Variants in CBL observed in about 807,000 individuals in gnomAD.
CBL encodes Cbl proto-oncogene, also known as E3 ubiquitin-protein ligase CBL.
Under a neutral mutation model 96.9 loss-of-function variants are expected in CBL, and 45 were observed. That is an observed-to-expected ratio of 0.46 (90% CI 0.37 to 0.60). The LOEUF (loss-of-function observed/expected upper bound fraction) is 0.60, where lower values mean the gene tolerates loss of function less well. Among genes scored for constraint, CBL ranks in the 20% least tolerant of loss-of-function variants. The pLI is 0.00. For synonymous variants in CBL, 420 were observed against 426.8 expected, an observed-to-expected ratio of 0.98 and a Z score of 0.20; for missense variants, 1,024 against 1,143.5, an observed-to-expected ratio of 0.90 and a Z score of 1.51.
At chr11:119,249,068 A>G (rs2135278422) in intron 2 of CBL, among the ~76,000 whole-genome samples, 1 of 152,340 alleles carries the variant, frequency 6.6e-6, no homozygotes, top group South Asian at 2.1e-4. Flanking sequence ...GAATTACCAT[A>G]GGATCTAGCA....
At chr11:119,262,351 A>G (rs1392823139) in intron 2 of CBL, among the ~76,000 whole-genome samples, 3 of 152,216 alleles carry the variant, frequency 2.0e-5, no homozygotes, top group East Asian at 1.9e-4. Flanking sequence ...AGATAAAAAC[A>G]TTAGTGGAAA....
intron 2 of CBL, among the ~76,000 whole-genome samples, chr11:119,264,393 C>CTTCTCTT (rs1565868249): frequency 1.8e-5 from 1 of 55,622 alleles, no homozygotes; most frequent in Non-Finnish European, 3.7e-5. Context: ...TTTCTTTTCT[C>CTTCTCTT]TTCTCTTCTC....
intron 9 of CBL, among the ~76,000 whole-genome samples, chr11:119,284,237 A>C (rs1219094146): frequency 6.6e-6 from 1 of 151,794 alleles, no homozygotes; most frequent in East Asian, 1.9e-4. Context: ...TGTCCCTTAA[A>C]CATTGTTTTC....
chr11:119,281,851 G>T (rs1466779723), intron 9 of CBL, among the ~76,000 whole-genome samples: 2 of 151,988 alleles, frequency 1.3e-5, no homozygotes, highest in African/African-American at 4.8e-5. Flanking sequence ...AAATTGTAAG[G>T]GTATTTTTGG....
intron 12 of CBL, among the ~76,000 whole-genome samples, chr11:119,294,675 C>T (rs893221514): frequency 2.0e-5 from 3 of 151,758 alleles, no homozygotes; most frequent in Admixed American, 6.6e-5. Flanking sequence ...CTTGTGGTCC[C>T]AGCTGCTCGG....
At chr11:119,235,836 C>G (rs2135268529) in intron 2 of CBL, among the ~76,000 whole-genome samples, 1 of 152,210 alleles carries the variant, frequency 6.6e-6, no homozygotes, top group East Asian at 1.9e-4. Context: ...TTTATTCCCC[C>G]TAACATGAGG....
rs776366304 is a variant in CBL, at chr11:119,287,848, C to T, written c.1942-4C>T. ...GTTTTTCAACACTTTTCTTTACTTTCCAGAGTATGAATAGCAGCCCATTAG... is the reference window on the plus strand; with the variant it reads ...GTTTTTCAACACTTTTCTTTACTTTTCAGAGTATGAATAGCAGCCCATTAG... On this transcript the variant is annotated splice_polypyrimidine_tract_variant and splice_region_variant and intron_variant, in intron 11 of 15. Transcript: ENST00000264033. 3 of 1,599,230 alleles carry T rather than the reference C, an allele frequency of 1.9e-6. No homozygotes were observed. In the Admixed American group the frequency reaches 5.0e-5, roughly 27 times the overall value.
intron 14 of CBL, 64 bp from the exon 15 acceptor site, chr11:119,298,294 G>T (rs766046215): frequency 2.2e-6 from 3 of 1,385,808 alleles, no homozygotes; most frequent in Non-Finnish European, 3.1e-6. Flanking sequence ...TGGCTGCCCC[G>T]TATTGAAATG....
At chr11:119,243,686 A>T (rs1481339222) in intron 2 of CBL, among the ~76,000 whole-genome samples, 1 of 152,132 alleles carries the variant, frequency 6.6e-6, no homozygotes, top group Non-Finnish European at 1.5e-5. Context: ...TTAGAATTAC[A>T]GGTGGTTTAA....
chr11:119,290,680 G>A (rs1464679935), intron 12 of CBL, among the ~76,000 whole-genome samples: 1 of 147,882 alleles, frequency 6.8e-6, no homozygotes, highest in East Asian at 2.1e-4. Context: ...GTTTTGTTTA[G>A]TATGTTTTGT....
chr11:119,273,184 C>T (rs1949861581), intron 3 of CBL, among the ~76,000 whole-genome samples: 1 of 152,142 alleles, frequency 6.6e-6, no homozygotes, highest in Non-Finnish European at 1.5e-5. Context: ...TCTCGAAGTC[C>T]TGGCCTCAAA....
intron 2 of CBL, among the ~76,000 whole-genome samples, chr11:119,235,517 G>A (rs1443111137): frequency 2.0e-5 from 3 of 152,278 alleles, no homozygotes; most frequent in Non-Finnish European, 2.9e-5. Context: ...AGGTTGAATA[G>A]GCTGAGGAGG....
intron 1 of CBL, among the ~76,000 whole-genome samples, chr11:119,213,052 T>C (rs1189772818): frequency 6.6e-6 from 1 of 151,670 alleles, no homozygotes; most frequent in African/African-American, 2.4e-5. Flanking sequence ...TGAGCTCAAA[T>C]AATTCTCCCA....
chr11:119,258,702 G>T (rs1949730441), intron 2 of CBL, among the ~76,000 whole-genome samples: 1 of 152,102 alleles, frequency 6.6e-6, no homozygotes, highest in Non-Finnish European at 1.5e-5. Context: ...ATTTGATGTT[G>T]GGTAATGTCA....
At chr11:119,280,972 T>G (rs1949929171) in intron 9 of CBL, among the ~76,000 whole-genome samples, 2 of 152,218 alleles carry the variant, frequency 1.3e-5, no homozygotes, top group Non-Finnish European at 2.9e-5. Flanking sequence ...CCTGGTATAA[T>G]TATTTTTATT....
intron 13 of CBL, 132 bp from the exon 14 acceptor site, chr11:119,297,252 C>G (rs950780550): frequency 6.2e-6 from 5 of 805,874 alleles, no homozygotes; most frequent in Non-Finnish European, 1.1e-5. Flanking sequence ...ACACATACAC[C>G]TATAACTTGC....
chr11:119,219,486 G>T (rs1949390938), intron 1 of CBL, among the ~76,000 whole-genome samples: 1 of 152,016 alleles, frequency 6.6e-6, no homozygotes, highest in Non-Finnish European at 1.5e-5. Flanking sequence ...TGTTAAATTT[G>T]TGGATGGAAG....
intron 2 of CBL, among the ~76,000 whole-genome samples, chr11:119,262,863 A>G (rs1949764461): frequency 6.6e-6 from 1 of 152,200 alleles, no homozygotes; most frequent in Admixed American, 6.5e-5. Context: ...ACTTTGAAGA[A>G]TGGGCAGGAT....
At chr11:119,241,223 A>G (rs1015487218) in intron 2 of CBL, among the ~76,000 whole-genome samples, 2 of 152,228 alleles carry the variant, frequency 1.3e-5, no homozygotes, top group Admixed American at 1.3e-4. Context: ...TTTATAAAAA[A>G]TGAATTAAGT....
Sources: allele counts gnomAD v4.1 joint callset (sites outside exome capture counted in the v4.1 genomes callset), GRCh38; gene constraint gnomAD v4.1.1; transcripts MANE v1.5; gene names NCBI Gene and HGNC (gene_info 2026-07-23, HGNC 2026-07-21).